SH3BGRL2: variants seen among roughly 807,000 people sequenced by gnomAD.
The protein encoded by SH3BGRL2 is SH3 domain-binding glutamic acid-rich-like protein 2.
In SH3BGRL2, 21 loss-of-function variants were observed where a neutral mutation model predicts 14.8. That is an observed-to-expected ratio of 1.42 (90% CI 1.01 to 2.05). The LOEUF is 2.05. SH3BGRL2 is among the 30% of genes most tolerant of loss of function. The pLI, the probability that SH3BGRL2 is intolerant of heterozygous loss-of-function variation, is 0.00. For synonymous variants in SH3BGRL2, 50 were observed against 47.8 expected, an observed-to-expected ratio of 1.05 and a Z score of -0.19; for missense variants, 147 against 130.8, an observed-to-expected ratio of 1.12 and a Z score of -0.61.
chr6:79,611,609 G>A, the SH3BGRL2 span, among the ~76,000 whole-genome samples: 312 of 151,980 alleles, frequency 2.1e-3, 1 homozygote, highest in African/African-American at 7.3e-3. Flanking sequence ...GCGGGGTTTC[G>A]CCATGTTGGC....
At chr6:79,575,946 A>G in the SH3BGRL2 span, among the ~76,000 whole-genome samples, 1 of 150,132 alleles carries the variant, frequency 6.7e-6, no homozygotes, top group Non-Finnish European at 1.5e-5. Flanking sequence ...GGGATATATT[A>G]AATGTTTATA....
Position 79,701,004 on chromosome 6 carries a change from C to G in SH3BGRL2, c.*1495C>G, listed in dbSNP as rs1262801102. The G allele has an allele frequency of 6.6e-6, 1 of 152,128 alleles. No individual in the cohort carries two copies. Among genetic ancestry groups the G allele is most frequent in the Non-Finnish European group, 1.5e-5 (1 of 68,032 alleles). The allele number at this position is 152,128 out of a possible 1,614,324, so 9.4% of individuals were successfully genotyped here. On this transcript the variant is annotated 3_prime_UTR_variant, in exon 4 of 4. Transcript: ENST00000369838. ...TGTCACATGTGCCCAGCACTCCGCC[C>G]CATGCCTTGCTAAATGTAGACTAAA...
the SH3BGRL2 span, among the ~76,000 whole-genome samples, chr6:79,619,169 G>C: frequency 0.47 from 70,628 of 151,714 alleles, 16,940 homozygotes; most frequent in East Asian, 0.8. Flanking sequence ...ATTCATATCT[G>C]CTCCACCCTG....
chr6:79,618,654 C>T, the SH3BGRL2 span, among the ~76,000 whole-genome samples: 4 of 151,696 alleles, frequency 2.6e-5, no homozygotes, highest in South Asian at 2.1e-4. Context: ...TGCAGTGAGC[C>T]GAGATCAAGC....
intron 2 of SH3BGRL2, among the ~76,000 whole-genome samples, chr6:79,687,521 G>C (rs1770124455): frequency 6.6e-6 from 1 of 152,142 alleles, no homozygotes; most frequent in Non-Finnish European, 1.5e-5. Context: ...AAATGAAGCT[G>C]TTTTAGATAA....
At chr6:79,624,295 A>G in the SH3BGRL2 span, among the ~76,000 whole-genome samples, 3 of 149,864 alleles carry the variant, frequency 2.0e-5, no homozygotes, top group Non-Finnish European at 3.0e-5. Flanking sequence ...TATCATCTAT[A>G]TATTATCATA....
At chr6:79,596,468 A>T in the SH3BGRL2 span, among the ~76,000 whole-genome samples, 1 of 152,206 alleles carries the variant, frequency 6.6e-6, no homozygotes, top group South Asian at 2.1e-4. Context: ...TTTGTTAAAA[A>T]TTTTTTTGTA....
At chr6:79,565,102 A>G in the SH3BGRL2 span, among the ~76,000 whole-genome samples, 1 of 152,216 alleles carries the variant, frequency 6.6e-6, no homozygotes, top group Non-Finnish European at 1.5e-5. Flanking sequence ...CACAAGAGAA[A>G]GAGAATGCTC....
At chr6:79,666,322 T>C (rs765425053) in intron 1 of SH3BGRL2, among the ~76,000 whole-genome samples, 3 of 152,286 alleles carry the variant, frequency 2.0e-5, no homozygotes, top group Admixed American at 6.5e-5. Context: ...CTTAGCATTG[T>C]AATCTGTCGG....
At chr6:79,578,622 C>A in the SH3BGRL2 span, among the ~76,000 whole-genome samples, 79 of 152,292 alleles carry the variant, frequency 5.2e-4, 2 homozygotes, top group South Asian at 0.015. Flanking sequence ...AAAAGGCCAT[C>A]TACACCAGCA....
chr6:79,564,007 C>T, the SH3BGRL2 span, among the ~76,000 whole-genome samples: 2 of 152,214 alleles, frequency 1.3e-5, no homozygotes, highest in African/African-American at 4.8e-5. Context: ...TATAAAAAAA[C>T]TGTTAGCAAA....
chr6:79,591,677 A>G, the SH3BGRL2 span, among the ~76,000 whole-genome samples: 1 of 152,194 alleles, frequency 6.6e-6, no homozygotes, highest in Admixed American at 6.5e-5. Context: ...AAGTGCTGGG[A>G]TTAACAGGCG....
At chr6:79,542,777 A>T in the SH3BGRL2 span, among the ~76,000 whole-genome samples, 2 of 152,190 alleles carry the variant, frequency 1.3e-5, no homozygotes, top group African/African-American at 4.8e-5. Flanking sequence ...TTCCTCACTG[A>T]ATATAAATGA....
chr6:79,656,287 G>C (rs918713399), intron 1 of SH3BGRL2, among the ~76,000 whole-genome samples: 1 of 152,326 alleles, frequency 6.6e-6, no homozygotes, highest in South Asian at 2.1e-4. Context: ...GCATCATCAA[G>C]GTGAGTCAAT....
intron 2 of SH3BGRL2, among the ~76,000 whole-genome samples, chr6:79,694,339 C>A (rs867350432): frequency 6.6e-6 from 1 of 152,142 alleles, no homozygotes; most frequent in African/African-American, 2.4e-5. Context: ...AATTGTCAGG[C>A]AGAGAAAGTA....
the SH3BGRL2 span, among the ~76,000 whole-genome samples, chr6:79,540,734 A>G: frequency 6.6e-6 from 1 of 152,300 alleles, no homozygotes; most frequent in South Asian, 2.1e-4. Flanking sequence ...ACTGATTAAC[A>G]CGGATTAATT....
chr6:79,577,998 C>G, the SH3BGRL2 span, among the ~76,000 whole-genome samples: 1 of 152,212 alleles, frequency 6.6e-6, no homozygotes, highest in Admixed American at 6.5e-5. Context: ...GGTCCCAGGC[C>G]CATGGAGCCT....
At chr6:79,696,217 G>T (rs1770330035) in intron 2 of SH3BGRL2, among the ~76,000 whole-genome samples, 1 of 152,144 alleles carries the variant, frequency 6.6e-6, no homozygotes, top group Non-Finnish European at 1.5e-5. Flanking sequence ...AGGAAAAGGA[G>T]TGTGTTCCTA....
chr6:79,670,656 A>G (rs544795614), intron 1 of SH3BGRL2, among the ~76,000 whole-genome samples: 1 of 152,336 alleles, frequency 6.6e-6, no homozygotes, highest in South Asian at 2.1e-4. Flanking sequence ...GAGTGGCGTA[A>G]CTTATTAAGG....
Sources: gnomAD v4.1 joint callset for allele counts (sites outside exome capture counted in the v4.1 genomes callset) on GRCh38, gnomAD v4.1.1 for gene constraint, MANE v1.5 for transcripts, NCBI Gene and HGNC (gene_info 2026-07-23, HGNC 2026-07-21) for gene names.